Variants in KCNIP1 observed in about 807,000 individuals in gnomAD.
KCNIP1 encodes potassium voltage-gated channel interacting protein 1, also known as A-type potassium channel modulatory protein KCNIP1.
Under a neutral mutation model 33.0 loss-of-function variants are expected in KCNIP1, and 18 were observed. The observed-to-expected ratio is 0.55, with a 90% CI of 0.38 to 0.81. The LOEUF (loss-of-function observed/expected upper bound fraction) is 0.81. Among genes scored for constraint, KCNIP1 ranks in the 30% least tolerant of loss-of-function variants. KCNIP1 has a pLI of 0.00. For missense variants in KCNIP1, 238 were observed against 271.6 expected, an observed-to-expected ratio of 0.88 and a Z score of 0.87; for synonymous variants, 93 against 98.3, an observed-to-expected ratio of 0.95 and a Z score of 0.32.
chr5:170,500,875 T>C (rs77114278), upstream of KCNIP1, among the ~76,000 whole-genome samples: 432 of 152,344 alleles, frequency 2.8e-3, 2 homozygotes, highest in Non-Finnish European at 5.0e-3. Context: ...AATAAGTGAA[T>C]GAATGAATCT....
At chr5:170,423,350 T>C (rs1474828551) in intron 1 of KCNIP1, among the ~76,000 whole-genome samples, 1 of 151,652 alleles carries the variant, frequency 6.6e-6, no homozygotes, top group African/African-American at 2.4e-5. Context: ...AAAAGACTAA[T>C]ACAAGATATC....
intron 1 of KCNIP1, among the ~76,000 whole-genome samples, chr5:170,657,183 A>T (rs971715948): frequency 6.6e-6 from 1 of 151,640 alleles, no homozygotes; most frequent in Non-Finnish European, 1.5e-5. Context: ...TTTAGTAGAG[A>T]TGGGGTTTCA....
chr5:170,633,609 G>C (rs1327863869), intron 1 of KCNIP1, among the ~76,000 whole-genome samples: 1 of 148,200 alleles, frequency 6.7e-6, no homozygotes, highest in African/African-American at 2.5e-5. Flanking sequence ...GAATGTTTCA[G>C]AATGAGCTAA....
At chr5:170,721,994 A>T in intron 4 of KCNIP1, 91 bp downstream of exon 4, 2 of 1,433,568 alleles carry the variant, frequency 1.4e-6, no homozygotes, top group Admixed American at 3.7e-5. Flanking sequence ...GGTCTGGACC[A>T]TCAAAAGCTC....
intron 1 of KCNIP1, chr5:170,422,784 T>C (rs1216665164): frequency 6.6e-6 from 1 of 152,214 alleles, no homozygotes; most frequent in Non-Finnish European, 1.5e-5. Flanking sequence ...ATTTTATGAT[T>C]TTCCCAAAGG....
chr5:170,601,890 T>C (rs1018812116), intron 1 of KCNIP1, among the ~76,000 whole-genome samples: 1 of 152,176 alleles, frequency 6.6e-6, no homozygotes, highest in African/African-American at 2.4e-5. Flanking sequence ...TACCTGGGCC[T>C]TGGCCCTGGC....
chr5:170,571,219 C>T (rs1231711334), intron 1 of KCNIP1, among the ~76,000 whole-genome samples: 1 of 152,218 alleles, frequency 6.6e-6, no homozygotes, highest in African/African-American at 2.4e-5. Flanking sequence ...TTGACTCTTG[C>T]TGTCCTCTGG....
At chr5:170,498,994 C>G (rs1757360805) in intron 1 of KCNIP1, among the ~76,000 whole-genome samples, 1 of 152,024 alleles carries the variant, frequency 6.6e-6, no homozygotes, top group Non-Finnish European at 1.5e-5. Flanking sequence ...TGTTCTGGGC[C>G]AGGCTGAGTG....
At chr5:170,599,982 A>G (rs549651528) in intron 1 of KCNIP1, among the ~76,000 whole-genome samples, 1 of 152,314 alleles carries the variant, frequency 6.6e-6, no homozygotes, top group South Asian at 2.1e-4. Flanking sequence ...CAATCCTAAG[A>G]TGACATTTAT....
chr5:170,518,144 G>C (rs1417677906), intron 1 of KCNIP1, among the ~76,000 whole-genome samples: 1 of 151,452 alleles, frequency 6.6e-6, no homozygotes, highest in African/African-American at 2.5e-5. Context: ...GATAGCAGTA[G>C]GGCTGATGGT....
intron 1 of KCNIP1, among the ~76,000 whole-genome samples, chr5:170,645,180 A>G (rs1249132612): frequency 6.6e-6 from 1 of 152,172 alleles, no homozygotes; most frequent in Non-Finnish European, 1.5e-5. Context: ...AATAAATCTT[A>G]TGATTACCAG....
chr5:170,638,174 C>T (rs1760372788), intron 1 of KCNIP1, among the ~76,000 whole-genome samples: 4 of 152,066 alleles, frequency 2.6e-5, no homozygotes, highest in Admixed American at 2.6e-4. Context: ...GACCTTAGCC[C>T]AAGCCTCAAC....
At chr5:170,525,374 A>T (rs1297176898) in intron 1 of KCNIP1, among the ~76,000 whole-genome samples, 2 of 152,238 alleles carry the variant, frequency 1.3e-5, no homozygotes, top group East Asian at 3.9e-4. Context: ...AGTTGTGTGG[A>T]TAAGCGATAG....
chr5:170,592,845 C>G (rs1758311325), intron 1 of KCNIP1, among the ~76,000 whole-genome samples: 1 of 152,132 alleles, frequency 6.6e-6, no homozygotes. Context: ...CAGGTGCTGC[C>G]TAAATAGTAG....
chr5:170,716,032 C>T (rs553044548), intron 1 of KCNIP1, among the ~76,000 whole-genome samples: 6 of 152,288 alleles, frequency 3.9e-5, no homozygotes, highest in South Asian at 2.1e-4. Context: ...AACCGCTGCC[C>T]GTCACCTGTA....
chr5:170,456,214 T>C (rs780083758), intron 1 of KCNIP1, among the ~76,000 whole-genome samples: 2 of 151,906 alleles, frequency 1.3e-5, no homozygotes, highest in Non-Finnish European at 2.9e-5. Context: ...CAGGAACAGA[T>C]AAACAAACAC....
chr5:170,735,831 C>A lies in KCNIP1; in HGVS notation c.*25C>A, dbSNP rs775278356. 104 of 1,606,770 alleles carry A rather than the reference C, an allele frequency of 6.5e-5. No homozygotes were observed. The highest frequency in any genetic ancestry group is 1.2e-4 in the Admixed American group (7 of 60,000). ...ACTGGTGACACTCAGCCATTCAGCT[C>A]TCAGAGACATTGTACTAAACAACCA... is the stretch of plus-strand genomic sequence containing the variant. On this transcript the variant is annotated 3_prime_UTR_variant, in exon 8 of 8. Transcript: ENST00000328939.
intron 1 of KCNIP1, among the ~76,000 whole-genome samples, chr5:170,579,298 G>A (rs574236355): frequency 2.0e-5 from 3 of 152,248 alleles, no homozygotes; most frequent in African/African-American, 7.2e-5. Context: ...TTAGAATATA[G>A]CATTTAGGGC....
intron 1 of KCNIP1, among the ~76,000 whole-genome samples, chr5:170,696,016 C>CAAAAAAAAAAAAAAAAAAAAAAA (rs34474795): frequency 2.1e-5 from 2 of 93,968 alleles, no homozygotes; most frequent in African/African-American, 3.7e-5. Context: ...GACTCTGTCT[C>CAAAAAAAAAAAAAAAAAAAAAAA]AAAAAAAAAA....
Sources: gnomAD v4.1 joint callset for allele counts (sites outside exome capture counted in the v4.1 genomes callset) on GRCh38, gnomAD v4.1.1 for gene constraint, MANE v1.5 for transcripts, NCBI Gene and HGNC (gene_info 2026-07-23, HGNC 2026-07-21) for gene names.